EYA4: variants seen among roughly 807,000 people sequenced by gnomAD.
The protein encoded by EYA4 is protein phosphatase EYA4.
EYA4 carries 31 observed loss-of-function variants against 87.9 expected under a neutral mutation model. That is an observed-to-expected ratio of 0.35 (90% CI 0.27 to 0.48). The LOEUF (loss-of-function observed/expected upper bound fraction) is 0.48, where lower values mean the gene tolerates loss of function less well. Among genes scored for constraint, EYA4 ranks in the 20% least tolerant of loss-of-function variants. The pLI is 0.99. For missense variants in EYA4, 678 were observed against 761.4 expected, an observed-to-expected ratio of 0.89 and a Z score of 1.29; for synonymous variants, 263 against 270.6, an observed-to-expected ratio of 0.97 and a Z score of 0.28.
chr6:133,298,063 A>T (rs1287272421), intron 2 of EYA4, among the ~76,000 whole-genome samples: 1 of 152,032 alleles, frequency 6.6e-6, no homozygotes. Context: ...TTTCCCCAGC[A>T]TCTCTTTACT....
At chr6:133,318,228 C>T (rs1025933550) in intron 2 of EYA4, among the ~76,000 whole-genome samples, 32 of 152,080 alleles carry the variant, frequency 2.1e-4, no homozygotes, top group Admixed American at 3.3e-4. Context: ...AGGGGTTGGA[C>T]CCTTCTATGG....
intron 3 of EYA4, among the ~76,000 whole-genome samples, chr6:133,429,478 G>A (rs964444762): frequency 1.3e-5 from 2 of 152,268 alleles, no homozygotes; most frequent in East Asian, 1.9e-4. Context: ...TAATTAGAAT[G>A]TGACCCCAGA....
chr6:133,424,499 G>A (rs893321454), intron 3 of EYA4, among the ~76,000 whole-genome samples: 1 of 114,004 alleles, frequency 8.8e-6, no homozygotes, highest in Admixed American at 8.9e-5. Context: ...GCCAGGCAAC[G>A]GGAGCAAACA....
chr6:133,251,759 C>A (rs1415906449), intron 1 of EYA4, among the ~76,000 whole-genome samples: 2 of 152,124 alleles, frequency 1.3e-5, no homozygotes, highest in East Asian at 3.9e-4. Flanking sequence ...CAGGTGATCT[C>A]TGGGAGCAAA....
At chr6:133,499,392 T>A (rs536964470) in intron 13 of EYA4, among the ~76,000 whole-genome samples, 2 of 152,296 alleles carry the variant, frequency 1.3e-5, no homozygotes, top group South Asian at 4.1e-4. Context: ...TCCATCCAAG[T>A]ACCATGTTAC....
chr6:133,453,487 A>G (rs1376773375), intron 5 of EYA4: 1 of 152,044 alleles, frequency 6.6e-6, no homozygotes, highest in African/African-American at 2.4e-5. Flanking sequence ...TAATAATATA[A>G]GGAGTGTCTA....
At chr6:133,279,844 A>G (rs1349701495) in intron 2 of EYA4, among the ~76,000 whole-genome samples, 1 of 152,278 alleles carries the variant, frequency 6.6e-6, no homozygotes, top group South Asian at 2.1e-4. Flanking sequence ...CATTAAACTT[A>G]TCATCTAGAC....
At chr6:133,322,173 A>G (rs1781141777) in intron 2 of EYA4, among the ~76,000 whole-genome samples, 1 of 152,228 alleles carries the variant, frequency 6.6e-6, no homozygotes, top group South Asian at 2.1e-4. Flanking sequence ...GTAAGCATTG[A>G]TTATTGATCA....
intron 3 of EYA4, among the ~76,000 whole-genome samples, chr6:133,396,949 A>G (rs1466808239): frequency 6.6e-6 from 1 of 152,206 alleles, no homozygotes; most frequent in Non-Finnish European, 1.5e-5. Context: ...CAAGAGATGC[A>G]TGATTTTCAT....
intron 13 of EYA4, among the ~76,000 whole-genome samples, chr6:133,491,778 C>T (rs12663243): frequency 0.029 from 4,459 of 151,690 alleles, 254 homozygotes; most frequent in East Asian, 0.18. Context: ...GGTGAAACCC[C>T]GTCTCTACTA....
chr6:133,302,248 CA>C (rs756826829), intron 2 of EYA4, among the ~76,000 whole-genome samples: 11 of 151,666 alleles, frequency 7.3e-5, no homozygotes, highest in Non-Finnish European at 1.5e-4. Context: ...ATAAATAAAC[CA>C]AAGATTTCTC....
rs370278341 is a variant in EYA4, at chr6:133,401,310, G to C, written c.83+18869G>C. Among the ~76,000 whole-genome samples, 9 of 152,182 alleles carry C rather than the reference G, an allele frequency of 5.9e-5. 1 individual carries two copies. Among genetic ancestry groups the C allele is most frequent in the East Asian group, 3.9e-4 (2 of 5,164 alleles). On this transcript the variant is annotated intron_variant, in intron 3 of 19. Transcript: ENST00000355286. ...GGGTACAAATATAAATTAGATAGAA[G>C]AAATAAGAGCTGGTGTTCAACACGT... is the stretch of plus-strand genomic sequence containing the variant.
At chr6:133,311,987 A>G (rs56698343) in intron 2 of EYA4, among the ~76,000 whole-genome samples, 3,797 of 152,290 alleles carry the variant, frequency 0.025, 145 homozygotes, top group African/African-American at 0.087. Flanking sequence ...AACACTGATA[A>G]ATGCTGTGAA....
chr6:133,350,472 A>C (rs988926193), intron 2 of EYA4, among the ~76,000 whole-genome samples: 1 of 152,116 alleles, frequency 6.6e-6, no homozygotes, highest in African/African-American at 2.4e-5. Context: ...AGCACAGACC[A>C]GTTGGCAAGA....
At chr6:133,262,450 G>A (rs183794945) in intron 1 of EYA4, among the ~76,000 whole-genome samples, 1 of 152,306 alleles carries the variant, frequency 6.6e-6, no homozygotes, top group Admixed American at 6.5e-5. Context: ...GTATCCGTAG[G>A]GGTGATGAGG....
intron 2 of EYA4, among the ~76,000 whole-genome samples, chr6:133,291,879 T>G (rs1778516741): frequency 6.6e-6 from 1 of 152,236 alleles, no homozygotes; most frequent in Non-Finnish European, 1.5e-5. Context: ...GATTATGAAC[T>G]TCTTATTTTC....
At chr6:133,485,685 T>C (rs1299751211) in intron 13 of EYA4, among the ~76,000 whole-genome samples, 1 of 152,202 alleles carries the variant, frequency 6.6e-6, no homozygotes. Flanking sequence ...CTCTTTTAAG[T>C]TGTAATTTTA....
intron 3 of EYA4, among the ~76,000 whole-genome samples, chr6:133,384,840 A>G (rs549739371): frequency 6.6e-6 from 1 of 152,322 alleles, no homozygotes; most frequent in East Asian, 1.9e-4. Context: ...GGATACAAGA[A>G]TTTACTGAAT....
intron 3 of EYA4, among the ~76,000 whole-genome samples, chr6:133,392,951 A>G (rs559444651): frequency 2.0e-5 from 3 of 152,166 alleles, no homozygotes; most frequent in Non-Finnish European, 4.4e-5. Context: ...GGTCAGAGTA[A>G]TTCCTCATGT....
Sources: allele counts gnomAD v4.1 joint callset (sites outside exome capture counted in the v4.1 genomes callset), GRCh38; gene constraint gnomAD v4.1.1; transcripts MANE v1.5; gene names NCBI Gene and HGNC (gene_info 2026-07-23, HGNC 2026-07-21).